Variants in ZNF800 observed in about 807,000 individuals in gnomAD.
The protein encoded by ZNF800 is zinc finger protein 800.
Under a neutral mutation model 59.5 loss-of-function variants are expected in ZNF800, and 13 were observed. The ratio of observed to expected loss-of-function variants is 0.22; its 90% CI spans 0.14 to 0.35. The LOEUF (loss-of-function observed/expected upper bound fraction) is 0.35, where lower values mean the gene tolerates loss of function less well. Among genes scored for constraint, ZNF800 ranks in the 10% least tolerant of loss-of-function variants. ZNF800 has a pLI of 1.00. For synonymous variants in ZNF800, 266 were observed against 265.7 expected (o/e 1.00, Z -0.01); for missense variants, 621 against 783.7 (o/e 0.79, Z 2.48).
chr7:127,372,740 C>T (rs750659286), intron 5 of ZNF800: 19 of 985,198 alleles, frequency 1.9e-5, no homozygotes, highest in Non-Finnish European at 2.2e-5. Context: ...TATTTACCAC[C>T]AACTTTCCCC....
downstream of ZNF800, among the ~76,000 whole-genome samples, chr7:127,344,571 A>T (rs1179280376): frequency 1.3e-5 from 2 of 152,130 alleles, no homozygotes; most frequent in Admixed American, 6.5e-5. Context: ...AAAAATATTT[A>T]AAAAAGAAGA....
At chr7:127,385,649 T>C (rs562890963) in intron 3 of ZNF800, among the ~76,000 whole-genome samples, 1 of 152,156 alleles carries the variant, frequency 6.6e-6, no homozygotes, top group South Asian at 2.1e-4. Context: ...ATAAGGTAAT[T>C]AACCTAGAAC....
At chr7:127,365,695 G>C (rs1800490626), downstream of ZNF800, among the ~76,000 whole-genome samples, 2 of 152,046 alleles carry the variant, frequency 1.3e-5, no homozygotes, top group Non-Finnish European at 2.9e-5. Flanking sequence ...ACCAAAAATG[G>C]CACCAAACTC....
intron 2 of ZNF800, 131 bp downstream of exon 2, chr7:127,391,366 G>C (rs1801306807): frequency 1.2e-6 from 1 of 864,684 alleles, no homozygotes; most frequent in Non-Finnish European, 1.9e-6. Flanking sequence ...TTCATAACTG[G>C]CTTATGCTAG....
At chr7:127,375,066 A>C (rs762787475) in intron 4 of ZNF800, 32 bp from the exon 5 acceptor site, 1 of 1,502,938 alleles carries the variant, frequency 6.7e-7, no homozygotes, top group Non-Finnish European at 8.8e-7. Flanking sequence ...TTTAATCTGA[A>C]GTAATTAGCC....
chr7:127,355,890 C>T (rs1015972489), intron 1 of ZNF800, among the ~76,000 whole-genome samples: 1 of 151,962 alleles, frequency 6.6e-6, no homozygotes, highest in Non-Finnish European at 1.5e-5. Context: ...GAGAAAATCA[C>T]ACTTACACAG....
At chr7:127,359,909 A>G (rs1800362487) in intron 1 of ZNF800, 1 of 109,986 alleles carries the variant, frequency 9.1e-6, no homozygotes, top group South Asian at 3.4e-4. Flanking sequence ...CAGATACACC[A>G]CACTTAAATG....
At chr7:127,382,683 G>A (rs1801011105) in intron 3 of ZNF800, among the ~76,000 whole-genome samples, 1 of 152,130 alleles carries the variant, frequency 6.6e-6, no homozygotes, top group Non-Finnish European at 1.5e-5. Context: ...AAAAAATGAG[G>A]CATCTATCTA....
rs904741518 is a variant in ZNF800, at chr7:127,377,559, C to T, written c.158-230G>A. On this transcript the variant is annotated intron_variant, in intron 3 of 5. Coordinates refer to ENST00000265827, the MANE Select transcript of ZNF800 (RefSeq NM_176814.5). This position sits in a 1 kb window ranked among gnomAD's most constrained non-coding sequence, Gnocchi z 4.7. ...GAGAACTAAAATTGATGCTGTGTTC[C>T]CACTTCAGCAGCCAATCAATTCTTG... is the stretch of plus-strand genomic sequence containing the variant. 2.0e-5 allele frequency among the ~76,000 whole-genome samples: 3 copies of T among 151,990 alleles called. No individual in the cohort carries two copies. Among genetic ancestry groups the T allele is most frequent in the East Asian group, 3.9e-4 (2 of 5,194 alleles).
chr7:127,374,395 C>T lies in ZNF800; in HGVS notation c.941G>A (p.Arg314Lys), dbSNP rs199873771. Residue 314 changes from arginine (R) to lysine (K), a missense_variant, in exon 5 of 6, where the codon AGG becomes AAG. Arg to Lys is a conservative substitution (Grantham distance 26). Coordinates refer to ENST00000265827, the MANE Select transcript of ZNF800 (RefSeq NM_176814.5). The stretch of plus-strand genomic sequence containing the variant: ...TATATCAGGAGTAATTGAATCCCTC[C>T]TTAGTCCTCTATGAACTTCATCAAA... ...RHFDEVHRGL[R>K]RDSITPDIAT... The T allele has an allele frequency of 2.5e-6, 4 of 1,613,906 alleles. No individual in the cohort carries two copies. Among genetic ancestry groups the T allele is most frequent in the Non-Finnish European group, 1.7e-6 (2 of 1,179,972 alleles).
In ZNF800 at chr7:127,377,026, G is replaced by A. The variant is rs1017319363; in HGVS notation, c.301+160C>T. On this transcript the variant is annotated intron_variant, in intron 4 of 5. Coordinates refer to ENST00000265827, the MANE Select transcript of ZNF800 (RefSeq NM_176814.5). This position sits in a 1 kb window ranked among gnomAD's most constrained non-coding sequence, Gnocchi z 4.7. ...GAAACTGAATGTAACATTGAGTCAA[G>A]TATTTAATTTTATTCTCCATCTCCA... 5.9e-5 allele frequency among the ~76,000 whole-genome samples: 9 copies of A among 152,024 alleles called. No individual in the cohort carries two copies. In the East Asian group the frequency reaches 1.7e-3, roughly 29 times the overall value.
rs1440447308 is a variant in ZNF800, at chr7:127,391,590, G to C, written c.-33C>G. 1.2e-6 allele frequency: 2 copies of C among 1,604,420 alleles called. No homozygotes were observed. Among genetic ancestry groups the C allele is most frequent in the Admixed American group, 1.7e-5 (1 of 60,008 alleles). ...GGACTCGACCTACTTTGCTTTCACT[G>C]TAAGAAGCTCTTCATTGCGGCGTGG... is the stretch of plus-strand genomic sequence containing the variant. On this transcript the variant is annotated 5_prime_UTR_variant, in exon 2 of 6. Transcript: ENST00000265827.
intron 3 of ZNF800, among the ~76,000 whole-genome samples, chr7:127,384,422 G>C (rs1322872226): frequency 6.6e-6 from 1 of 151,342 alleles, no homozygotes; most frequent in Non-Finnish European, 1.5e-5. Flanking sequence ...TTTTAGTAGA[G>C]ACGGAGTTTC....
At chr7:127,351,248 A>G in intron 1 of ZNF800, 1 of 152,294 alleles carries the variant, frequency 6.6e-6, no homozygotes, top group South Asian at 2.1e-4. Context: ...CCCATCGAAA[A>G]ATGTTTTCTC....
At chr7:127,354,384 T>C (rs559006845) in intron 1 of ZNF800, among the ~76,000 whole-genome samples, 1 of 152,170 alleles carries the variant, frequency 6.6e-6, no homozygotes, top group East Asian at 1.9e-4. Flanking sequence ...CAAAAAACAG[T>C]TGTTTAATAA....
intron 3 of ZNF800, among the ~76,000 whole-genome samples, chr7:127,381,943 T>G (rs1404983976): frequency 6.6e-6 from 1 of 151,576 alleles, no homozygotes; most frequent in African/African-American, 2.4e-5. Flanking sequence ...AAAAAAAGCC[T>G]AAGTTAAATG....
intron 3 of ZNF800, among the ~76,000 whole-genome samples, chr7:127,384,227 CTTTTTTT>C (rs577977623): frequency 0.23 from 14,279 of 63,374 alleles, 1,640 homozygotes; most frequent in Middle Eastern, 0.42. Flanking sequence ...ATTCTAACTT[CTTTTTTT>C]TTTTTTTTTT....
rs1200167498 is a variant in ZNF800, at chr7:127,392,468, G to A, written c.-467C>T. On this transcript the variant is annotated 5_prime_UTR_variant, in exon 1 of 6. Transcript: ENST00000265827. ...GGCAACGGCTGCCGCCGCAACCCGG[G>A]TCCCACCAGCGCCGCTCCACCTGCA... 4 of 366,950 alleles carry A rather than the reference G, an allele frequency of 1.1e-5. No individual in the cohort carries two copies. The highest frequency in any genetic ancestry group is 2.1e-5 in the African/African-American group (1 of 47,658). The allele number at this position is 366,950 out of a possible 1,614,324, so 22.7% of individuals were successfully genotyped here.
At chr7:127,388,721 C>T (rs117770948) in intron 2 of ZNF800, among the ~76,000 whole-genome samples, 1 of 152,292 alleles carries the variant, frequency 6.6e-6, no homozygotes, top group East Asian at 1.9e-4. Context: ...AACACTGCTA[C>T]CACCAGAACA....
Sources: gnomAD v4.1 joint callset for allele counts (sites outside exome capture counted in the v4.1 genomes callset) on GRCh38, gnomAD v4.1.1 for gene constraint, Gnocchi (gnomAD v3.1) non-coding constraint, MANE v1.5 for transcripts, NCBI Gene and HGNC (gene_info 2026-07-23, HGNC 2026-07-21) for gene names.